RET: variants seen among roughly 807,000 people sequenced by gnomAD.
The protein encoded by RET is proto-oncogene tyrosine-protein kinase receptor Ret.
In RET, 19 loss-of-function variants were observed where a neutral mutation model predicts 118.3. The ratio of observed to expected loss-of-function variants is 0.16; its 90% CI spans 0.11 to 0.24. The LOEUF (loss-of-function observed/expected upper bound fraction) is 0.24, where lower values mean the gene tolerates loss of function less well. RET is among the 10% of genes least tolerant of loss of function. The pLI is 1.00. For synonymous variants in RET, 597 were observed against 644.1 expected (o/e 0.93, Z 1.11); for missense variants, 1,219 against 1,502.1 (o/e 0.81, Z 3.12).
At chr10:43,116,547 C>T (rs1177066630) in intron 11 of RET, 37 bp from the exon 12 acceptor site, 1 of 1,604,932 alleles carries the variant, frequency 6.2e-7, no homozygotes, top group Non-Finnish European at 8.5e-7. Context: ...TCACACTTTT[C>T]CCCCCTCTTC....
At chr10:43,127,591 C>T (rs1013148207) in intron 19 of RET, 3 of 511,948 alleles carry the variant, frequency 5.9e-6, no homozygotes, top group Non-Finnish European at 7.7e-6. Context: ...CTTTTGCATG[C>T]CTCCTGACTC....
intron 1 of RET, among the ~76,000 whole-genome samples, chr10:43,094,473 A>T (rs1466523085): frequency 6.6e-6 from 1 of 152,170 alleles, no homozygotes; most frequent in Non-Finnish European, 1.5e-5. Context: ...CTTTTTTGGA[A>T]GTCCCAAATT....
intron 1 of RET, among the ~76,000 whole-genome samples, chr10:43,099,069 G>T (rs972433797): frequency 2.0e-5 from 3 of 152,114 alleles, no homozygotes; most frequent in Non-Finnish European, 4.4e-5. Flanking sequence ...GGAAATGTTG[G>T]CCACACACAG....
At position 43,118,357 on chromosome 10, in the gene RET, C is replaced by A. The variant is rs781027098; in HGVS notation, c.2285-16C>A. 6.2e-7 allele frequency: 1 copy of A among 1,605,394 alleles called. No homozygotes were observed. Among genetic ancestry groups the A allele is most frequent in the Admixed American group, 1.7e-5 (1 of 59,970 alleles). Reference sequence around the variant, plus strand: ...CAGGAGCGATCGTTTGCAACCTGCTCTGTGCTGCATTTCAGAGAACGCCTC... The same window carrying A: ...CAGGAGCGATCGTTTGCAACCTGCTATGTGCTGCATTTCAGAGAACGCCTC... On this transcript the variant is annotated splice_polypyrimidine_tract_variant and intron_variant, in intron 12 of 19. Transcript: ENST00000355710.
At chr10:43,086,548 A>G (rs1472434604) in intron 1 of RET, among the ~76,000 whole-genome samples, 3 of 152,204 alleles carry the variant, frequency 2.0e-5, no homozygotes, top group African/African-American at 2.4e-5. Flanking sequence ...CCAGTGAACA[A>G]TGTAATCAGC....
intron 1 of RET, among the ~76,000 whole-genome samples, chr10:43,084,566 C>T (rs897564083): frequency 2.6e-5 from 4 of 152,184 alleles, no homozygotes; most frequent in Non-Finnish European, 4.4e-5. Flanking sequence ...GCTGTCTTGC[C>T]ATACAGCTGA....
intron 5 of RET, among the ~76,000 whole-genome samples, chr10:43,107,566 C>G (rs867755681): frequency 0.21 from 29,914 of 140,956 alleles, 2,991 homozygotes; most frequent in Non-Finnish European, 0.24. Context: ...GCCTCACACA[C>G]ACACACACAC....
At chr10:43,124,461 G>A (rs376510629) in intron 17 of RET, among the ~76,000 whole-genome samples, 2 of 152,262 alleles carry the variant, frequency 1.3e-5, no homozygotes, top group East Asian at 3.9e-4. Context: ...ATTGCCAAAG[G>A]TTCTTGTTTG....
At chr10:43,100,384 A>G in intron 1 of RET, 75 bp from the exon 2 acceptor site, 1 of 1,482,122 alleles carries the variant, frequency 6.7e-7, no homozygotes, top group Non-Finnish European at 9.3e-7. Context: ...ATTTTAAATT[A>G]ATGATTTTTT....
chr10:43,128,141 A>G lies in RET; in HGVS notation c.3217A>G (p.Ser1073Gly). ...GTCAGACCCGAACTGGCCTGGAGAG[A>G]GTCCTGTACCACTCACGAGAGCTGA... ...GMSDPNWPGESPVPLTRADGT... is the reference protein window; with the variant it reads ...GMSDPNWPGEGPVPLTRADGT... Residue 1073 changes from serine to glycine, a missense_variant, in exon 20 of 20, where the codon AGT (serine) becomes GGT (glycine). Physicochemically the swap from Ser to Gly is moderately conservative, Grantham distance 56 (BLOSUM62 0). This residue lies in a region of RET where 174 missense variants were observed against 179.3 expected (regional missense o/e 0.97). Coordinates refer to ENST00000355710, the MANE Select transcript of RET (RefSeq NM_020975.6). 1 of 1,614,172 alleles carries G rather than the reference A, an allele frequency of 6.2e-7. No individual in the cohort carries two copies. The highest frequency in any genetic ancestry group is 8.5e-7 in the Non-Finnish European group (1 of 1,180,044).
At chr10:43,120,487 GCGGAA>G (rs1212114615) in intron 15 of RET, among the ~76,000 whole-genome samples, 1 of 152,234 alleles carries the variant, frequency 6.6e-6, no homozygotes, top group Non-Finnish European at 1.5e-5. Flanking sequence ...ACCTCATGCT[GCGGAA>G]CTAACAGTCC....
chr10:43,113,662 C>T lies in RET; in HGVS notation c.1866C>T (p.Pro622=), dbSNP rs201979255. The change falls in exon 10 of 20, where the codon CCC becomes CCT. Residue 622 remains proline (P), a synonymous_variant. Transcript: ENST00000355710. ...AGGAGGAGAAGTGCTTCTGCGAGCC[C>T]GAAGACATCCAGGGTGAGTGGGTGG... ...FPEEEKCFCE[P]EDIQDPLCDE... The T allele has an allele frequency of 1.4e-5, 22 of 1,613,218 alleles. No homozygotes were observed. Among genetic ancestry groups the T allele is most frequent in the Middle Eastern group, 1.7e-4 (1 of 6,058 alleles).
At position 43,077,739 on chromosome 10, in the gene RET, T is replaced by TTC. The variant is rs1368603993; in HGVS notation, c.73+410_73+411dup. 2.0e-5 allele frequency among the ~76,000 whole-genome samples: 3 copies of TTC among 151,954 alleles called. No homozygotes were observed. The East Asian group carries it at 5.8e-4, about 29-fold the overall frequency. Reference sequence around the variant, plus strand: ...GAAAGCCCGCGATTCGTGCGGAGAGTTCTGTTTCGGCAGGAGACGGCTCCG... The same window carrying TTC: ...GAAAGCCCGCGATTCGTGCGGAGAGTTCTCTGTTTCGGCAGGAGACGGCTCCG... On this transcript the variant is annotated intron_variant, in intron 1 of 19. Coordinates refer to ENST00000355710, the MANE Select transcript of RET (RefSeq NM_020975.6).
intron 11 of RET, among the ~76,000 whole-genome samples, chr10:43,116,270 G>A (rs1029320315): frequency 2.0e-5 from 3 of 152,220 alleles, no homozygotes; most frequent in Non-Finnish European, 2.9e-5. Flanking sequence ...AGAGGTCCTG[G>A]GCTGGGCCTG....
chr10:43,113,507 G>A (rs1837988744), intron 9 of RET, 49 bp from the exon 10 acceptor site: 1 of 1,563,730 alleles, frequency 6.4e-7, no homozygotes, highest in African/African-American at 1.4e-5. Flanking sequence ...ATGGGCGCCT[G>A]GGGTGGTCAG....
chr10:43,104,821 G>C (rs1837721677), intron 3 of RET, 131 bp from the exon 4 acceptor site: 7 of 1,359,058 alleles, frequency 5.2e-6, no homozygotes, highest in Non-Finnish European at 6.9e-6. Context: ...CCCCTGTGGA[G>C]CGGAGGAGGG....
At position 43,098,421 on chromosome 10, in the gene RET, CTTTTTTT is replaced by C. The variant is rs36075879; in HGVS notation, c.74-2025_74-2019del. ...TATAGCCTGTGTCAGGATTTTCCTC[CTTTTTTT>C]TTTTTTTTTTTTGAGACAGGTCTTG... On this transcript the variant is annotated intron_variant, in intron 1 of 19. Transcript: ENST00000355710. Among the ~76,000 whole-genome samples the C allele has an allele frequency of 3.1e-5, 4 of 129,790 alleles. No individual in the cohort carries two copies. In the Admixed American group the frequency reaches 3.3e-4, roughly 11 times the overall value. 85.1% of individuals were successfully genotyped at this position (129,790 alleles called of 152,430 possible).
In RET at chr10:43,102,621, T is replaced by A; in HGVS notation, c.617T>A (p.Leu206His). 6.2e-7 allele frequency: 1 copy of A among 1,614,070 alleles called. No homozygotes were observed. Among genetic ancestry groups the A allele is most frequent in the Non-Finnish European group, 8.5e-7 (1 of 1,180,030 alleles). ...CCCAACATCAGCGTGGCCTACAGGC[T>A]CCTGGAGGGTGAGTGCCGACCTTGT... is the stretch of plus-strand genomic sequence containing the variant. ...LCPNISVAYR[L>H]LEGEGLPFRC... Residue 206 changes from leucine (L) to histidine (H), a missense_variant, in exon 3 of 20, where the codon CTC (leucine) becomes CAC (histidine). Leu to His is a moderately conservative substitution (Grantham distance 99). This residue lies in a region of RET where 850 missense variants were observed against 969.6 expected (regional missense o/e 0.88). Transcript: ENST00000355710.
chr10:43,087,564 C>G (rs1837315376), intron 1 of RET, among the ~76,000 whole-genome samples: 1 of 152,192 alleles, frequency 6.6e-6, no homozygotes, highest in Admixed American at 6.5e-5. Context: ...AGATTTTTCT[C>G]AAAGGAGGTA....
Sources: allele counts gnomAD v4.1 joint callset (sites outside exome capture counted in the v4.1 genomes callset), GRCh38; gene constraint gnomAD v4.1.1; regional missense constraint gnomAD v4.1.1; transcripts MANE v1.5; gene names NCBI Gene and HGNC (gene_info 2026-07-23, HGNC 2026-07-21).